Variants in MYCBPAP observed in about 807,000 individuals in gnomAD.
The protein encoded by MYCBPAP is MYCBP associated protein, also known as MYCBP-associated protein.
Under a neutral mutation model 106.1 loss-of-function variants are expected in MYCBPAP, and 60 were observed. The observed-to-expected ratio is 0.57, with a 90% CI of 0.46 to 0.70. MYCBPAP has a LOEUF of 0.70. MYCBPAP is among the 30% of genes least tolerant of loss of function. The pLI is 0.00. For missense variants in MYCBPAP, 1,064 were observed against 1,169.3 expected (o/e 0.91, Z 1.31); for synonymous variants, 407 against 440.6 (o/e 0.92, Z 0.95).
Position 50,523,776 on chromosome 17 carries a change from G to C in MYCBPAP, c.1627G>C (p.Val543Leu). Residue 543 changes from valine to leucine, a missense_variant, in exon 12 of 19, where the codon GTA (valine) becomes CTA (leucine). Transcript: ENST00000323776. Reference sequence around the variant, plus strand: ...GGACGTTTTTGAGGATGAGAGGAAAGTACTGGAGGTAAGGGACCCAGGACC... The same window carrying C: ...GGACGTTTTTGAGGATGAGAGGAAACTACTGGAGGTAAGGGACCCAGGACC... ...TQDVFEDERK[V>L]LESKLTAHEA... 6.2e-7 allele frequency: 1 copy of C among 1,613,916 alleles called. No homozygotes were observed. Among genetic ancestry groups the C allele is most frequent in the South Asian group, 1.1e-5 (1 of 91,066 alleles).
At chr17:50,528,949 ACTG>A (rs2034548417) in intron 17 of MYCBPAP, 66 bp from the exon 18 acceptor site, 2 of 1,596,916 alleles carry the variant, frequency 1.3e-6, no homozygotes, top group South Asian at 2.3e-5. Context: ...CCAGTGAGCT[ACTG>A]TTGAGGACAT....
intron 16 of MYCBPAP, 34 bp downstream of exon 16, chr17:50,528,304 T>C (rs1193911409): frequency 1.3e-6 from 2 of 1,513,782 alleles, no homozygotes; most frequent in East Asian, 2.3e-5. Context: ...CACCTCTGCA[T>C]AGCCCTCCTC....
rs766693105 is a variant in MYCBPAP at position 50,508,802 on chromosome 17, C to A, written c.76+52C>A. The A allele has an allele frequency of 4.6e-6, 7 of 1,508,286 alleles. No homozygotes were observed. The Admixed American group carries it at 9.1e-5, about 20-fold the overall frequency. 93.4% of individuals were successfully genotyped at this position (1,508,286 alleles called of 1,614,324 possible). On this transcript the variant is annotated intron_variant, in intron 1 of 18. Coordinates refer to ENST00000323776, the MANE Select transcript of MYCBPAP (RefSeq NM_032133.6). ...GGGAGAACCCGAGAGGGGAAGCGGT[C>A]CCCGGAAAGAGTTCAGGACACGGGG...
intron 15 of MYCBPAP, 21 bp downstream of exon 15, chr17:50,527,429 G>A: frequency 6.2e-7 from 1 of 1,613,240 alleles, no homozygotes; most frequent in Non-Finnish European, 8.5e-7. Context: ...TGCCAGGAGA[G>A]CTGCCCCATC....
At chr17:50,517,815 G>A (rs2034109091) in intron 4 of MYCBPAP, 117 bp downstream of exon 4, 1 of 832,138 alleles carries the variant, frequency 1.2e-6, no homozygotes, top group Admixed American at 2.2e-5. Flanking sequence ...TAGGTTTTGA[G>A]TCTGAGTTGA....
At position 50,524,894 on chromosome 17, in the gene MYCBPAP, T is replaced by A; in HGVS notation, c.1653T>A (p.His551Gln). 6.2e-7 allele frequency: 1 copy of A among 1,613,852 alleles called. No individual in the cohort carries two copies. Among genetic ancestry groups the A allele is most frequent in the Non-Finnish European group, 8.5e-7 (1 of 1,179,956 alleles). ...RKVLESKLTA[H>Q]EAVTVVREVL... ...TTTTGCAGAGCAAGCTGACTGCCCA[T>A]GAGGCAGTCACCGTCGTTCGCGAAG... The change falls in exon 13 of 19, where the codon CAT (histidine) becomes CAA (glutamine). Residue 551 changes from histidine to glutamine, a missense_variant. Transcript: ENST00000323776.
rs1567897433 is a variant in MYCBPAP, at chr17:50,528,801, C to G, written c.2514C>G (p.Asp838Glu). The G allele has an allele frequency of 2.5e-6, 4 of 1,613,514 alleles. No homozygotes were observed. Among genetic ancestry groups the G allele is most frequent in the Non-Finnish European group, 3.4e-6 (4 of 1,179,956 alleles). ...AAAAGAAGCAACTGGGGATCAAAGA[C>G]AAAGAAGACAAGAAAGGAGCCAAGC... Reference protein sequence around the residue: ...AQEKKQLGIKDKEDKKGAKLL... With the variant: ...AQEKKQLGIKEKEDKKGAKLL... The change falls in exon 17 of 19, where the codon GAC (aspartate) becomes GAG (glutamate). Residue 838 changes from aspartate to glutamate, a missense_variant. Asp to Glu is a conservative substitution (Grantham distance 45, BLOSUM62 2). Transcript: ENST00000323776.
In MYCBPAP at chr17:50,511,883, C is replaced by T. The variant is rs192182268; in HGVS notation, c.76+3133C>T. On this transcript the variant is annotated intron_variant, in intron 1 of 18. Transcript: ENST00000323776. ...TCTCCCCAGCTTGCCTCTGCCTCTC[C>T]GGTCCATCTGGCTCTCTTCATCTGA... Among the ~76,000 whole-genome samples the T allele has an allele frequency of 4.1e-3, 629 of 152,180 alleles. 2 individuals are homozygous for T. Among genetic ancestry groups the T allele is most frequent in the African/African-American group, 0.014 (568 of 41,490 alleles).
At chr17:50,517,966 C>T (rs1448096782) in intron 4 of MYCBPAP, among the ~76,000 whole-genome samples, 1 of 152,206 alleles carries the variant, frequency 6.6e-6, no homozygotes, top group African/African-American at 2.4e-5. Flanking sequence ...GTAGACTGCA[C>T]CCAAAAAGGC....
rs1171528557 is a variant in MYCBPAP, at chr17:50,526,184, G to A, written c.2086G>A (p.Asp696Asn). The A allele has an allele frequency of 6.2e-7, 1 of 1,613,524 alleles. No individual in the cohort carries two copies. The highest frequency in any genetic ancestry group is 1.3e-5 in the African/African-American group (1 of 74,932). ...MEEILVEESPDVDSTKSPWEP... is the reference protein window; with the variant it reads ...MEEILVEESPNVDSTKSPWEP... ...GGAGATCCTGGTGGAGGAAAGCCCAGATGTGGACAGCACCAAGAGCCCCTG... is the reference window on the plus strand; with the variant it reads ...GGAGATCCTGGTGGAGGAAAGCCCAAATGTGGACAGCACCAAGAGCCCCTG... The change falls in exon 14 of 19, where the codon GAT becomes AAT. Residue 696 changes from aspartate to asparagine, a missense_variant. Asp to Asn is a conservative substitution (Grantham distance 23). Transcript: ENST00000323776.
At position 50,531,376 on chromosome 17, in the gene MYCBPAP, A is replaced by G. The variant is rs776024313; in HGVS notation, c.2774A>G (p.Asp925Gly). Reference protein sequence around the residue: ...TLVTDLMVLADELSPIKNVEE... With the variant: ...TLVTDLMVLAGELSPIKNVEE... ...GTGACTGACCTGATGGTCCTGGCTG[A>G]TGAGCTCAGCCCCATAAAGAATGTC... The change falls in exon 19 of 19, where the codon GAT becomes GGT. Residue 925 changes from aspartate to glycine, a missense_variant. Physicochemically the swap from Asp to Gly is moderately conservative, Grantham distance 94. Coordinates refer to ENST00000323776, the MANE Select transcript of MYCBPAP (RefSeq NM_032133.6). 9.3e-6 allele frequency: 15 copies of G among 1,613,518 alleles called. No individual in the cohort carries two copies. The highest frequency in any genetic ancestry group is 1.7e-6 in the Non-Finnish European group (2 of 1,179,856).
intron 7 of MYCBPAP, among the ~76,000 whole-genome samples, chr17:50,520,471 C>G (rs769361085): frequency 1.3e-5 from 2 of 152,136 alleles, no homozygotes; most frequent in Non-Finnish European, 2.9e-5. Context: ...TGCCATTGCA[C>G]TCCAGCCTGG....
chr17:50,530,527 GGCTCACACCT>G (rs1356034364), intron 18 of MYCBPAP, among the ~76,000 whole-genome samples: 1 of 123,060 alleles, frequency 8.1e-6, no homozygotes, highest in African/African-American at 3.1e-5. Flanking sequence ...GCTGGCCAGT[GGCTCACACCT>G]GTAATCCTAG....
In MYCBPAP at chr17:50,525,874, G is replaced by A; in HGVS notation, c.1783-7G>A. On this transcript the variant is annotated splice_polypyrimidine_tract_variant and splice_region_variant and intron_variant, in intron 13 of 18. Coordinates refer to ENST00000323776, the MANE Select transcript of MYCBPAP (RefSeq NM_032133.6). ...CCCCTCACATGCCTTCCCATCCTCT[G>A]CTGCAGCTGCATTATGAGCACCAAG... 1 of 1,590,670 alleles carries A rather than the reference G, an allele frequency of 6.3e-7. No homozygotes were observed. Among genetic ancestry groups the A allele is most frequent in the East Asian group, 2.2e-5 (1 of 44,684 alleles).
chr17:50,508,686 AAAG>A lies in MYCBPAP; in HGVS notation c.16_18del (p.Lys6del), dbSNP rs759964670. ...TGCCGGGCGGCACCATGAAGTCTCT[AAAG>A]AAGGATTCCCGCCTCAGAATAACTC... On this transcript the variant is annotated inframe_deletion, in exon 1 of 19. Coordinates refer to ENST00000323776, the MANE Select transcript of MYCBPAP (RefSeq NM_032133.6). 7 of 1,608,816 alleles carry A rather than the reference AAAG, an allele frequency of 4.4e-6. No homozygotes were observed. The highest frequency in any genetic ancestry group is 3.4e-5 in the Admixed American group (2 of 59,580).
chr17:50,517,738 G>T (rs780621828), intron 4 of MYCBPAP, 40 bp downstream of exon 4: 7 of 1,575,352 alleles, frequency 4.4e-6, no homozygotes, highest in Non-Finnish European at 6.1e-6. Flanking sequence ...AGCAGTCACT[G>T]AAGTCATTTT....
In MYCBPAP at chr17:50,509,208, C is replaced by T. The variant is rs201955729; in HGVS notation, c.76+458C>T. 181 of 696,694 alleles carry T rather than the reference C, an allele frequency of 2.6e-4. No individual in the cohort carries two copies. In the East Asian group the frequency reaches 4.8e-3, roughly 18 times the overall value. 43.2% of individuals were successfully genotyped at this position (696,694 alleles called of 1,614,324 possible). The stretch of plus-strand genomic sequence containing the variant: ...TATTTGGTAGAGGAGGGTCGGGGAG[C>T]GGGGCAGGCGTCACTTAGGATTCCT... On this transcript the variant is annotated intron_variant, in intron 1 of 18. Transcript: ENST00000323776.
intron 10 of MYCBPAP, chr17:50,522,709 A>ATATATATATATATATATATATAT (rs1555620722): frequency 4.0e-5 from 2 of 50,042 alleles, no homozygotes; most frequent in African/African-American, 2.4e-4. Flanking sequence ...AAAAAAAAAA[A>ATATATATATATATATATATATAT]ATATATATAT....
intron 7 of MYCBPAP, chr17:50,520,864 G>C: frequency 2.1e-6 from 1 of 472,864 alleles, no homozygotes; most frequent in Non-Finnish European, 3.9e-6. Context: ...AAAGGTAGCT[G>C]CTGTTATTAT....
Sources: allele counts gnomAD v4.1 joint callset (sites outside exome capture counted in the v4.1 genomes callset), GRCh38; gene constraint gnomAD v4.1.1; transcripts MANE v1.5; gene names NCBI Gene and HGNC (gene_info 2026-07-23, HGNC 2026-07-21).